PIKFYVE: variants seen among roughly 807,000 people sequenced by gnomAD.
The protein encoded by PIKFYVE is phosphoinositide kinase, FYVE-type zinc finger containing.
Under a neutral mutation model 257.9 loss-of-function variants are expected in PIKFYVE, and 122 were observed. The observed-to-expected ratio is 0.47, with a 90% CI of 0.41 to 0.55. The LOEUF (loss-of-function observed/expected upper bound fraction) is 0.55. Ranked by LOEUF, PIKFYVE falls within the 20% of genes least tolerant of loss-of-function variation. The pLI is 0.00. For synonymous variants in PIKFYVE, 892 were observed against 868.9 expected (o/e 1.03, Z -0.47); for missense variants, 2,160 against 2,536.6 (o/e 0.85, Z 3.19).
At chr2:208,325,179 T>G (rs1696775064) in intron 19 of PIKFYVE, 91 bp from the exon 20 acceptor site, 5 of 1,557,974 alleles carry the variant, frequency 3.2e-6, no homozygotes, top group South Asian at 1.1e-5. Flanking sequence ...GAGTTTTTCT[T>G]TTACAGATAT....
intron 6 of PIKFYVE, among the ~76,000 whole-genome samples, chr2:208,287,376 C>T (rs368937713): frequency 9.9e-5 from 15 of 150,782 alleles, no homozygotes; most frequent in African/African-American, 2.9e-4. Flanking sequence ...TGGGTTCAAG[C>T]GATTCTCCTG....
In PIKFYVE at chr2:208,354,595, A is replaced by T. The variant is rs755376742; in HGVS notation, c.6131A>T (p.Asp2044Val). 1 of 1,613,430 alleles carries T rather than the reference A, an allele frequency of 6.2e-7. No individual in the cohort carries two copies. Among genetic ancestry groups the T allele is most frequent in the Non-Finnish European group, 8.5e-7 (1 of 1,179,442 alleles). ...GATTATATTCGAACATTTACATGGG[A>T]CAAAAAGCTTGAGATGGTTGTGAAA... ...IIDYIRTFTW[D>V]KKLEMVVKST... The change falls in exon 41 of 42, where the codon GAC becomes GTC. Residue 2044 changes from aspartate (D) to valine (V), a missense_variant. Asp to Val is a radical substitution (Grantham distance 152, BLOSUM62 -3). Around this residue, in one of 12 missense-constraint regions of PIKFYVE, gnomAD observed 38 missense variants for 77.7 expected, o/e 0.49. Transcript: ENST00000264380.
Position 208,353,906 on chromosome 2 carries a change from T to C in PIKFYVE, c.5853T>C (p.Asp1951=). 6.8e-6 allele frequency: 11 copies of C among 1,613,794 alleles called. No individual in the cohort carries two copies. The highest frequency in any genetic ancestry group is 9.3e-6 in the Non-Finnish European group (11 of 1,179,850). The part of the protein sequence containing the change: ...FYGRKMAQVF[D]LKGSLRNRNV... ...CATTTTCTTTTTACTAGGTTTTTGATTTGAAGGGCTCTCTTAGGAATCGGA... is the reference window on the plus strand; with the variant it reads ...CATTTTCTTTTTACTAGGTTTTTGACTTGAAGGGCTCTCTTAGGAATCGGA... Residue 1951 remains aspartate, a synonymous_variant, in exon 40 of 42, where the codon GAT becomes GAC. Coordinates refer to ENST00000264380, the MANE Select transcript of PIKFYVE (RefSeq NM_015040.4).
At chr2:208,314,908 C>G (rs10932257) in intron 14 of PIKFYVE, among the ~76,000 whole-genome samples, 1 of 2,702 alleles carries the variant, frequency 3.7e-4, no homozygotes, top group African/African-American at 5.4e-4. Flanking sequence ...AGAAAAAAAA[C>G]AAAAACAAAA....
At chr2:208,336,347 C>T (rs1698139324) in intron 27 of PIKFYVE, 147 bp downstream of exon 27, 2 of 919,004 alleles carry the variant, frequency 2.2e-6, no homozygotes, top group Non-Finnish European at 3.3e-6. Context: ...CTCCTTTCCT[C>T]TTTATATTTT....
intron 32 of PIKFYVE, 27 bp from the exon 33 acceptor site, chr2:208,345,084 C>T (rs747269275): frequency 1.3e-5 from 19 of 1,460,328 alleles, no homozygotes; most frequent in Admixed American, 8.4e-5. Flanking sequence ...TAATGTTTAA[C>T]GTTTTTCAAC....
intron 15 of PIKFYVE, among the ~76,000 whole-genome samples, chr2:208,317,499 G>A (rs961526478): frequency 6.6e-6 from 1 of 151,932 alleles, no homozygotes; most frequent in African/African-American, 2.4e-5. Context: ...TCTTCTTCCA[G>A]TGAGGCCCAG....
intron 17 of PIKFYVE, among the ~76,000 whole-genome samples, chr2:208,323,450 C>T (rs1371381520): frequency 7.3e-5 from 11 of 151,406 alleles, no homozygotes; most frequent in Admixed American, 6.6e-4. Context: ...TCATCCTTTT[C>T]TCTGGCTGCA....
chr2:208,284,967 T>C (rs1221437557), intron 5 of PIKFYVE, among the ~76,000 whole-genome samples: 1 of 152,082 alleles, frequency 6.6e-6, no homozygotes, highest in Non-Finnish European at 1.5e-5. Flanking sequence ...GGATTACAGG[T>C]GTGAGCCAGT....
chr2:208,349,838 C>T (rs1421940634), intron 35 of PIKFYVE, among the ~76,000 whole-genome samples, 186 bp from the exon 36 acceptor site: 1 of 152,096 alleles, frequency 6.6e-6, no homozygotes, highest in East Asian at 1.9e-4. Context: ...AAAAAACATA[C>T]ATTTTTATTG....
rs573143426 is a variant in PIKFYVE at position 208,358,332 on chromosome 2, A to C, written c.*3027A>C. 6.6e-6 allele frequency: 1 copy of C among 152,508 alleles called. No homozygotes were observed. The highest frequency in any genetic ancestry group is 1.9e-4 in the East Asian group (1 of 5,164). The allele number at this position is 152,508 out of a possible 1,614,324, so 9.4% of individuals were successfully genotyped here. A position where few individuals can be genotyped will look rare whatever the true frequency, so the allele number is the denominator to read the frequency against. On this transcript the variant is annotated 3_prime_UTR_variant, in exon 42 of 42. Coordinates refer to ENST00000264380, the MANE Select transcript of PIKFYVE (RefSeq NM_015040.4). ...CATAAAACGGACCAGGCCATTCATT[A>C]TTCCTCAAGTGTTAATATACTGACT... is the stretch of plus-strand genomic sequence containing the variant.
intron 5 of PIKFYVE, among the ~76,000 whole-genome samples, 197 bp from the exon 6 acceptor site, chr2:208,285,529 C>T (rs1027659162): frequency 6.6e-6 from 1 of 151,810 alleles, no homozygotes; most frequent in African/African-American, 2.4e-5. Flanking sequence ...TTCAAAATGG[C>T]CCTTAAATAT....
At position 208,357,335 on chromosome 2, in the gene PIKFYVE, G is replaced by C. The variant is rs571740486; in HGVS notation, c.*2030G>C. ...CCTGTCTGTTTCCTGTACTCCCCTA[G>C]TCATGAGCACTTGAAGTACAAGGTG... On this transcript the variant is annotated 3_prime_UTR_variant, in exon 42 of 42. Transcript: ENST00000264380. 1.3e-5 allele frequency: 2 copies of C among 152,304 alleles called. No individual in the cohort carries two copies. Among genetic ancestry groups the C allele is most frequent in the South Asian group, 4.1e-4 (2 of 4,830 alleles). 9.4% of individuals were successfully genotyped at this position (152,304 alleles called of 1,614,324 possible). A position where few individuals can be genotyped will look rare whatever the true frequency, so the allele number is the denominator to read the frequency against.
chr2:208,283,531 T>C (rs1035383932), intron 5 of PIKFYVE, among the ~76,000 whole-genome samples: 7 of 152,218 alleles, frequency 4.6e-5, no homozygotes, highest in African/African-American at 1.4e-4. Context: ...ATGAAGTCTT[T>C]GTTGTAGTAA....
chr2:208,268,523 G>A (rs926707182), intron 1 of PIKFYVE, among the ~76,000 whole-genome samples: 1 of 141,794 alleles, frequency 7.1e-6, no homozygotes, highest in Non-Finnish European at 1.5e-5. Context: ...CGATCCTCCC[G>A]TCTCAGCCTC....
rs565630914 is a variant in PIKFYVE at position 208,324,380 on chromosome 2, T to C, written c.2331+98T>C. ...TATACAAGAATCTTTTTTTCTTTGC[T>C]GTTCTATTTGTATTGAAAGTGGGAC... On this transcript the variant is annotated intron_variant, in intron 18 of 41. Coordinates refer to ENST00000264380, the MANE Select transcript of PIKFYVE (RefSeq NM_015040.4). 2.8e-4 allele frequency: 366 copies of C among 1,297,384 alleles called. No homozygotes were observed. In the Middle Eastern group the frequency reaches 4.7e-3, roughly 17 times the overall value. 80.4% of individuals were successfully genotyped at this position (1,297,384 alleles called of 1,614,324 possible). A position where few individuals can be genotyped will look rare whatever the true frequency, so the allele number is the denominator to read the frequency against.
At chr2:208,320,878 G>A (rs57797425) in intron 17 of PIKFYVE, among the ~76,000 whole-genome samples, 7,503 of 152,250 alleles carry the variant, frequency 0.049, 390 homozygotes, top group African/African-American at 0.13. Context: ...AACCCTTCCA[G>A]CTCTATTTTA....
At chr2:208,337,596 T>C (rs559926900) in intron 28 of PIKFYVE, among the ~76,000 whole-genome samples, 1 of 152,096 alleles carries the variant, frequency 6.6e-6, no homozygotes, top group African/African-American at 2.4e-5. Flanking sequence ...GATCTATCTA[T>C]CTAGATAGAT....
chr2:208,322,257 T>C (rs1696332248), intron 17 of PIKFYVE, among the ~76,000 whole-genome samples: 1 of 151,588 alleles, frequency 6.6e-6, no homozygotes, highest in South Asian at 2.1e-4. Flanking sequence ...GATGTGTGCC[T>C]GTAGTCCTAG....
Sources: allele counts gnomAD v4.1 joint callset (sites outside exome capture counted in the v4.1 genomes callset), GRCh38; gene constraint gnomAD v4.1.1; regional missense constraint gnomAD v4.1.1; transcripts MANE v1.5; gene names NCBI Gene and HGNC (gene_info 2026-07-23, HGNC 2026-07-21).